HPSE2: variants seen among roughly 807,000 people sequenced by gnomAD.
The protein encoded by HPSE2 is heparanase 2 (inactive).
A neutral mutation model predicts 60.5 loss-of-function variants in HPSE2; 38 were observed. The observed-to-expected ratio is 0.63, with a 90% CI of 0.48 to 0.82. The LOEUF (loss-of-function observed/expected upper bound fraction) is 0.82. Ranked by LOEUF, HPSE2 falls within the 40% of genes least tolerant of loss-of-function variation. The pLI, the probability that HPSE2 is intolerant of heterozygous loss-of-function variation, is 0.00. For synonymous variants in HPSE2, 295 were observed against 293.2 expected (o/e 1.01, Z -0.06); for missense variants, 713 against 740.4 (o/e 0.96, Z 0.43).
chr10:99,179,337 T>C (rs967747286), intron 2 of HPSE2, among the ~76,000 whole-genome samples: 2 of 152,196 alleles, frequency 1.3e-5, no homozygotes, highest in Non-Finnish European at 2.9e-5. Flanking sequence ...ATTGTCCCTG[T>C]TTGCAGATGA....
intron 4 of HPSE2, among the ~76,000 whole-genome samples, chr10:98,731,491 T>C (rs956685371): frequency 1.3e-5 from 2 of 152,176 alleles, no homozygotes; most frequent in African/African-American, 2.4e-5. Context: ...TAAAATACCA[T>C]TGTAATAGAA....
chr10:98,519,521 A>C (rs1281308037), intron 9 of HPSE2, among the ~76,000 whole-genome samples: 1 of 152,228 alleles, frequency 6.6e-6, no homozygotes, highest in Non-Finnish European at 1.5e-5. Context: ...GTTAAAGTGC[A>C]TGTGCTGTGC....
In HPSE2 at chr10:98,936,685, A is replaced by G. The variant is rs763821807; in HGVS notation, c.611-192629T>C. On this transcript the variant is annotated intron_variant, in intron 3 of 11. Transcript: ENST00000370552. Reference sequence around the variant, plus strand: ...CCCATAAAGCCTAAAATACTTACTTATTTTGAAAGTTTTGGCCAGGTGCGG... The same window carrying G: ...CCCATAAAGCCTAAAATACTTACTTGTTTTGAAAGTTTTGGCCAGGTGCGG... 1.0e-4 allele frequency among the ~76,000 whole-genome samples: 15 copies of G among 143,214 alleles called. 2 individuals are homozygous for G. The highest frequency in any genetic ancestry group is 1.5e-4 in the Non-Finnish European group (10 of 67,038). The allele number at this position is 143,214 out of a possible 152,430, so 94.0% of individuals were successfully genotyped here. A position where few individuals can be genotyped will look rare whatever the true frequency, so the allele number is the denominator to read the frequency against.
chr10:99,257,564 C>G, the HPSE2 span, among the ~76,000 whole-genome samples: 1 of 151,886 alleles, frequency 6.6e-6, no homozygotes. Flanking sequence ...TTGGTCAGAC[C>G]GGTTGTCTGC....
At chr10:98,903,740 T>C (rs922262808) in intron 3 of HPSE2, among the ~76,000 whole-genome samples, 4 of 152,178 alleles carry the variant, frequency 2.6e-5, no homozygotes, top group African/African-American at 9.6e-5. Flanking sequence ...TCAGAAACTC[T>C]GTTAAACGCC....
intron 9 of HPSE2, among the ~76,000 whole-genome samples, chr10:98,512,503 T>G (rs1347209809): frequency 1.3e-5 from 2 of 151,290 alleles, no homozygotes; most frequent in African/African-American, 4.9e-5. Flanking sequence ...GAGAATGGCA[T>G]GAACCCGGGA....
At chr10:99,035,521 G>A (rs1244459822) in intron 3 of HPSE2, among the ~76,000 whole-genome samples, 1 of 152,070 alleles carries the variant, frequency 6.6e-6, no homozygotes, top group Non-Finnish European at 1.5e-5. Context: ...GAAAGAGTGT[G>A]CTTAAAATAC....
At chr10:98,983,491 G>A (rs545388462) in intron 3 of HPSE2, among the ~76,000 whole-genome samples, 20 of 152,356 alleles carry the variant, frequency 1.3e-4, no homozygotes, top group African/African-American at 4.8e-4. Flanking sequence ...CACAACGTAT[G>A]GAGATTTGAA....
At chr10:99,016,798 C>T (rs745849530) in intron 3 of HPSE2, among the ~76,000 whole-genome samples, 15 of 151,774 alleles carry the variant, frequency 9.9e-5, no homozygotes, top group African/African-American at 3.1e-4. Flanking sequence ...GTGGCAATTG[C>T]GAATGTGAGT....
chr10:98,929,438 C>A (rs1367681888), intron 3 of HPSE2, among the ~76,000 whole-genome samples: 2 of 144,046 alleles, frequency 1.4e-5, no homozygotes, highest in South Asian at 2.1e-4. Flanking sequence ...AAAGATAATA[C>A]TCAAGATCCT....
chr10:98,584,166 C>G (rs1944877663), intron 9 of HPSE2, among the ~76,000 whole-genome samples: 1 of 152,134 alleles, frequency 6.6e-6, no homozygotes, highest in Non-Finnish European at 1.5e-5. Flanking sequence ...TAATAGAAGT[C>G]TTTGAAAGTA....
At chr10:98,687,728 T>C (rs1947953765) in intron 6 of HPSE2, among the ~76,000 whole-genome samples, 1 of 152,132 alleles carries the variant, frequency 6.6e-6, no homozygotes, top group African/African-American at 2.4e-5. Context: ...GTAATCCTCC[T>C]TTTTTTGAAG....
At chr10:98,977,253 A>G (rs1956106766) in intron 3 of HPSE2, among the ~76,000 whole-genome samples, 1 of 152,182 alleles carries the variant, frequency 6.6e-6, no homozygotes, top group South Asian at 2.1e-4. Context: ...TCCTTTATCA[A>G]TTTAGTGTAG....
chr10:99,057,217 A>G (rs1958134653), intron 3 of HPSE2, among the ~76,000 whole-genome samples: 1 of 152,200 alleles, frequency 6.6e-6, no homozygotes, highest in African/African-American at 2.4e-5. Context: ...TCAATTTTTT[A>G]AAGTTACAAT....
chr10:98,747,833 CTG>C (rs752081172), intron 3 of HPSE2, among the ~76,000 whole-genome samples: 4 of 152,144 alleles, frequency 2.6e-5, no homozygotes, highest in Non-Finnish European at 5.9e-5. Flanking sequence ...CCCAGTTAAA[CTG>C]TGAAGTTTCT....
intron 9 of HPSE2, among the ~76,000 whole-genome samples, chr10:98,595,612 T>C (rs750173838): frequency 3.9e-5 from 6 of 152,306 alleles, no homozygotes; most frequent in Admixed American, 1.3e-4. Flanking sequence ...GTGGAGTCTT[T>C]AGGATTTCCT....
chr10:98,759,213 T>C (rs887129387), intron 3 of HPSE2, among the ~76,000 whole-genome samples: 22 of 152,010 alleles, frequency 1.4e-4, no homozygotes, highest in African/African-American at 4.6e-4. Flanking sequence ...AGGGTGAGGA[T>C]TGAAAAACTA....
intron 3 of HPSE2, among the ~76,000 whole-genome samples, chr10:99,038,464 C>T (rs1287755222): frequency 1.3e-5 from 2 of 151,928 alleles, no homozygotes; most frequent in African/African-American, 4.8e-5. Flanking sequence ...CTTGAAGTGA[C>T]AAAATTATAG....
intron 9 of HPSE2, among the ~76,000 whole-genome samples, chr10:98,518,336 T>C (rs1041851994): frequency 6.6e-6 from 1 of 152,116 alleles, no homozygotes; most frequent in African/African-American, 2.4e-5. Flanking sequence ...GGATTCTAGT[T>C]CAACTTCAGC....
Sources: gnomAD v4.1 joint callset for allele counts (sites outside exome capture counted in the v4.1 genomes callset) on GRCh38, gnomAD v4.1.1 for gene constraint, MANE v1.5 for transcripts, NCBI Gene and HGNC (gene_info 2026-07-23, HGNC 2026-07-21) for gene names.